Variants in ZNF704 observed in about 807,000 individuals in gnomAD.
ZNF704 encodes the protein zinc finger protein 704.
Under a neutral mutation model 44.7 loss-of-function variants are expected in ZNF704, and 10 were observed. The observed-to-expected ratio is 0.22, with a 90% confidence interval of 0.14 to 0.38. ZNF704 has a LOEUF of 0.38. Ranked by LOEUF, ZNF704 falls within the 10% of genes least tolerant of loss-of-function variation. ZNF704 has a pLI of 1.00. For missense variants in ZNF704, 390 were observed against 545.5 expected (o/e 0.71, Z 2.84); for synonymous variants, 211 against 207.6 (o/e 1.02, Z -0.14).
chr8:80,729,724 C>T (rs1427308165), intron 2 of ZNF704, among the ~76,000 whole-genome samples: 1 of 152,208 alleles, frequency 6.6e-6, no homozygotes, highest in Non-Finnish European at 1.5e-5. Context: ...GGTAACTGAA[C>T]GCTTCATCTG....
rs562428097 is a variant in ZNF704, at chr8:80,664,876, G to A, written c.866C>T (p.Thr289Met). ...GGTGGGAGCTGAGCGGCTCAACGGC[G>A]TCATCAACTTAGTCTCCGTTTTGGC... is the stretch of plus-strand genomic sequence containing the variant. Reference protein sequence around the residue: ...PCAKTETKLMTPLSRSAPTTL... With the variant: ...PCAKTETKLMMPLSRSAPTTL... The change falls in exon 6 of 9, where the codon ACG becomes ATG. Residue 289 changes from threonine to methionine, a missense_variant. By Grantham distance (81) the Thr-to-Met change is moderately conservative (BLOSUM62 -1). Around this residue, in one of 3 missense-constraint regions of ZNF704, gnomAD observed 305 missense variants for 435.7 expected, o/e 0.70. Transcript: ENST00000327835. 18 of 1,614,200 alleles carry A rather than the reference G, an allele frequency of 1.1e-5. No individual in the cohort carries two copies. Among genetic ancestry groups the A allele is most frequent in the South Asian group, 8.8e-5 (8 of 91,092 alleles).
At chr8:80,802,183 C>T (rs536539790) in intron 2 of ZNF704, among the ~76,000 whole-genome samples, 11 of 143,612 alleles carry the variant, frequency 7.7e-5, no homozygotes, top group African/African-American at 2.6e-4. Context: ...CAGTAATAAA[C>T]GCCTACCAAC....
intron 2 of ZNF704, among the ~76,000 whole-genome samples, chr8:80,712,367 T>C (rs1819000313): frequency 6.6e-6 from 1 of 152,228 alleles, no homozygotes; most frequent in Non-Finnish European, 1.5e-5. Flanking sequence ...TATTCTGTTA[T>C]AGCAATATAA....
At chr8:80,676,918 T>C (rs955128326) in intron 4 of ZNF704, among the ~76,000 whole-genome samples, 1 of 152,204 alleles carries the variant, frequency 6.6e-6, no homozygotes, top group African/African-American at 2.4e-5. Context: ...CCTCCTGCTG[T>C]GTGGCGGGGT....
chr8:80,689,469 CGCTCACCAGACTAGATTT>C (rs1173209533), intron 3 of ZNF704, among the ~76,000 whole-genome samples: 1 of 152,162 alleles, frequency 6.6e-6, no homozygotes, highest in African/African-American at 2.4e-5. Flanking sequence ...GAGACTGATA[CGCTCACCAGACTAGATTT>C]GCCTATTGTA....
chr8:80,864,289 T>G lies in ZNF704; in HGVS notation c.-22+10282A>C, dbSNP rs552759484. On this transcript the variant is annotated intron_variant, in intron 1 of 8. Coordinates refer to ENST00000327835, the MANE Select transcript of ZNF704 (RefSeq NM_001033723.3). ...TTATTTATCTCAAGGTATAAGATACTTATCCATGTCTTTCCCACCAAGAAA... is the reference window on the plus strand; with the variant it reads ...TTATTTATCTCAAGGTATAAGATACGTATCCATGTCTTTCCCACCAAGAAA... Among the ~76,000 whole-genome samples the G allele has an allele frequency of 5.3e-5, 8 of 152,268 alleles. No homozygotes were observed. The East Asian group carries it at 1.5e-3, about 29-fold the overall frequency.
chr8:80,851,070 C>T (rs1808854821), intron 1 of ZNF704, among the ~76,000 whole-genome samples: 1 of 152,116 alleles, frequency 6.6e-6, no homozygotes, highest in African/African-American at 2.4e-5. Context: ...ATGGTATAGC[C>T]CATTGCTCCT....
At chr8:80,838,681 G>GGAA (rs1280114255) in intron 1 of ZNF704, among the ~76,000 whole-genome samples, 1 of 150,060 alleles carries the variant, frequency 6.7e-6, no homozygotes, top group African/African-American at 2.5e-5. Flanking sequence ...TGGAGGAGGA[G>GGAA]GAGGAGGAGG....
intron 1 of ZNF704, among the ~76,000 whole-genome samples, chr8:80,868,889 T>C (rs940135950): frequency 6.6e-6 from 1 of 152,122 alleles, no homozygotes; most frequent in African/African-American, 2.4e-5. Flanking sequence ...AATAATTCCA[T>C]CTCTTTCTTT....
chr8:80,661,485 C>A (rs1054284783), intron 6 of ZNF704, among the ~76,000 whole-genome samples: 3 of 152,148 alleles, frequency 2.0e-5, no homozygotes, highest in African/African-American at 7.2e-5. Context: ...AAAGGGACAC[C>A]TGCACTCTCA....
intron 2 of ZNF704, among the ~76,000 whole-genome samples, chr8:80,787,297 T>A (rs1454841325): frequency 6.6e-6 from 1 of 152,252 alleles, no homozygotes; most frequent in Non-Finnish European, 1.5e-5. Flanking sequence ...AGCACACGTG[T>A]GTATATGTAC....
At chr8:80,883,712 C>A in the ZNF704 span, among the ~76,000 whole-genome samples, 4 of 152,218 alleles carry the variant, frequency 2.6e-5, no homozygotes, top group African/African-American at 9.6e-5. Context: ...TCGAAACTAC[C>A]ATAACTATGT....
At chr8:80,799,187 C>T (rs1807858150) in intron 2 of ZNF704, among the ~76,000 whole-genome samples, 1 of 152,120 alleles carries the variant, frequency 6.6e-6, no homozygotes, top group African/African-American at 2.4e-5. Context: ...ACATTCAAAC[C>T]ATAGGAACTG....
intron 1 of ZNF704, among the ~76,000 whole-genome samples, chr8:80,835,497 C>G (rs1808543249): frequency 6.6e-6 from 1 of 152,080 alleles, no homozygotes; most frequent in African/African-American, 2.4e-5. Flanking sequence ...GTAGGTAATC[C>G]ACATGCTGCA....
At chr8:80,679,157 C>T (rs1478785096) in intron 4 of ZNF704, among the ~76,000 whole-genome samples, 2 of 152,130 alleles carry the variant, frequency 1.3e-5, no homozygotes, top group Admixed American at 1.3e-4. Flanking sequence ...CCCTGGAGTC[C>T]TGCACCACCC....
chr8:80,722,168 A>G (rs1819178470), intron 2 of ZNF704, among the ~76,000 whole-genome samples: 1 of 152,202 alleles, frequency 6.6e-6, no homozygotes, highest in African/African-American at 2.4e-5. Context: ...TGAGTCTGGG[A>G]GACAGAGGTT....
chr8:80,655,201 G>T (rs1167991197), intron 7 of ZNF704, among the ~76,000 whole-genome samples: 1 of 151,930 alleles, frequency 6.6e-6, no homozygotes, highest in Non-Finnish European at 1.5e-5. Flanking sequence ...TGGGGGGCGG[G>T]GGAGGGATAG....
chr8:80,652,778 A>C (rs897920049), intron 7 of ZNF704, among the ~76,000 whole-genome samples: 1 of 152,230 alleles, frequency 6.6e-6, no homozygotes, highest in African/African-American at 2.4e-5. Flanking sequence ...AAACTATTCC[A>C]ATCAACAGAA....
At chr8:80,858,111 C>A (rs1031144809) in intron 1 of ZNF704, among the ~76,000 whole-genome samples, 2 of 152,030 alleles carry the variant, frequency 1.3e-5, no homozygotes, top group Non-Finnish European at 2.9e-5. Context: ...TCTATAGTAA[C>A]GTCCTTTCTT....
Sources: gnomAD v4.1 joint callset for allele counts (sites outside exome capture counted in the v4.1 genomes callset) on GRCh38, gnomAD v4.1.1 for gene constraint, gnomAD v4.1.1 regional missense constraint, MANE v1.5 for transcripts, NCBI Gene and HGNC (gene_info 2026-07-23, HGNC 2026-07-21) for gene names.